The following THEMIS variants were observed in gnomAD, a reference collection of about 807,000 sequenced individuals.
THEMIS encodes the protein thymocyte selection associated.
In THEMIS, 37 loss-of-function variants were observed where a neutral mutation model predicts 52.6. The observed-to-expected ratio is 0.70, with a 90% CI of 0.54 to 0.93. The LOEUF is 0.93. THEMIS is among the 40% of genes least tolerant of loss of function. The probability of loss-of-function intolerance (pLI) is 0.00; values close to 1 mark genes in which losing one functional copy is unlikely to be tolerated. For missense variants in THEMIS, 808 were observed against 763.1 expected, an observed-to-expected ratio of 1.06 and a Z score of -0.69; for synonymous variants, 292 against 272.7, an observed-to-expected ratio of 1.07 and a Z score of -0.70.
chr6:127,844,611 A>G (rs750841521), intron 2 of THEMIS, among the ~76,000 whole-genome samples: 1 of 151,914 alleles, frequency 6.6e-6, no homozygotes, highest in Non-Finnish European at 1.5e-5. Context: ...TATGTTCTTC[A>G]TAAAAATGGT....
At chr6:127,782,319 C>T (rs936496183) in intron 4 of THEMIS, among the ~76,000 whole-genome samples, 12 of 152,126 alleles carry the variant, frequency 7.9e-5, no homozygotes, top group African/African-American at 2.9e-4. Flanking sequence ...TTCTGTCTCA[C>T]TGGCATTCCA....
intron 1 of THEMIS, among the ~76,000 whole-genome samples, chr6:127,869,174 T>C (rs181171162): frequency 2.9e-4 from 44 of 152,314 alleles, no homozygotes; most frequent in Non-Finnish European, 5.6e-4. Context: ...AGTATTGATG[T>C]TCCTCAACTT....
At chr6:127,755,586 A>C (rs1158935993) in intron 4 of THEMIS, among the ~76,000 whole-genome samples, 4 of 152,220 alleles carry the variant, frequency 2.6e-5, no homozygotes, top group African/African-American at 9.6e-5. Flanking sequence ...TTAAAGTAAC[A>C]GTAGAAAAGA....
At chr6:127,712,807 A>G (rs1474738984) in intron 5 of THEMIS, among the ~76,000 whole-genome samples, 1 of 152,002 alleles carries the variant, frequency 6.6e-6, no homozygotes, top group Non-Finnish European at 1.5e-5. Context: ...TACAAAATGA[A>G]GTTATAAGCA....
upstream of THEMIS, among the ~76,000 whole-genome samples, chr6:127,903,382 T>G (rs1781192668): frequency 1.3e-5 from 2 of 151,970 alleles, no homozygotes; most frequent in African/African-American, 2.4e-5. Flanking sequence ...ATGTTATAGG[T>G]GTAATAATAG....
intron 2 of THEMIS, among the ~76,000 whole-genome samples, chr6:127,833,197 G>A (rs538737038): frequency 2.0e-5 from 3 of 152,010 alleles, no homozygotes; most frequent in Non-Finnish European, 4.4e-5. Context: ...AGATTGACCT[G>A]CTAAAAATTA....
At chr6:127,837,087 A>G (rs1304375051) in intron 2 of THEMIS, among the ~76,000 whole-genome samples, 1 of 152,156 alleles carries the variant, frequency 6.6e-6, no homozygotes, top group Non-Finnish European at 1.5e-5. Context: ...TGTTTGATTA[A>G]GAGGAGTTTA....
intron 1 of THEMIS, among the ~76,000 whole-genome samples, chr6:127,890,224 C>T (rs198527): frequency 0.46 from 70,450 of 151,862 alleles, 17,274 homozygotes; most frequent in Non-Finnish European, 0.57. Flanking sequence ...TAGAACCATT[C>T]GAATCACTGG....
intron 4 of THEMIS, among the ~76,000 whole-genome samples, chr6:127,766,182 A>C (rs1776192797): frequency 6.6e-6 from 1 of 152,086 alleles, no homozygotes; most frequent in Admixed American, 6.6e-5. Flanking sequence ...AATCATCATC[A>C]GTCAGGTCCA....
intron 1 of THEMIS, among the ~76,000 whole-genome samples, chr6:127,915,569 A>G (rs1294220437): frequency 7.7e-6 from 1 of 129,852 alleles, no homozygotes; most frequent in Non-Finnish European, 1.6e-5. Context: ...GGGTGGGGAG[A>G]GAGAGGGTCA....
At chr6:127,866,238 T>C (rs149202101) in intron 1 of THEMIS, among the ~76,000 whole-genome samples, 3,003 of 152,186 alleles carry the variant, frequency 0.02, 47 homozygotes, top group Non-Finnish European at 0.029. Flanking sequence ...ATTTAGTTTG[T>C]TCTTAAAATA....
At chr6:127,822,850 G>A (rs1778386566) in intron 3 of THEMIS, among the ~76,000 whole-genome samples, 1 of 152,046 alleles carries the variant, frequency 6.6e-6, no homozygotes, top group African/African-American at 2.4e-5. Flanking sequence ...AATTCCCAGA[G>A]AAAAGGAAAT....
chr6:127,833,430 G>A (rs1019838821), intron 2 of THEMIS, among the ~76,000 whole-genome samples: 5 of 152,056 alleles, frequency 3.3e-5, no homozygotes, highest in Non-Finnish European at 5.9e-5. Context: ...TTACTATAGG[G>A]GGATATGAAA....
At chr6:127,798,595 CAT>C (rs1471889638) in intron 4 of THEMIS, among the ~76,000 whole-genome samples, 3 of 152,134 alleles carry the variant, frequency 2.0e-5, no homozygotes, top group Non-Finnish European at 2.9e-5. Flanking sequence ...TAATAACACT[CAT>C]AGGGATATGG....
chr6:127,900,502 A>G (rs1450339309), intron 1 of THEMIS, among the ~76,000 whole-genome samples: 1 of 152,016 alleles, frequency 6.6e-6, no homozygotes, highest in Non-Finnish European at 1.5e-5. Flanking sequence ...TATTTTTTAT[A>G]TTGTGGAAAC....
intron 1 of THEMIS, among the ~76,000 whole-genome samples, chr6:127,875,352 G>A (rs1271998006): frequency 6.6e-6 from 1 of 152,222 alleles, no homozygotes; most frequent in Non-Finnish European, 1.5e-5. Context: ...ACAGAAGCAT[G>A]TGCATACAAG....
rs140922989 is a variant in THEMIS at position 127,829,712 on chromosome 6, T to C, written c.473A>G (p.His158Arg). The C allele has an allele frequency of 8.4e-5, 135 of 1,614,146 alleles. 1 individual carries two copies. In the South Asian group the frequency reaches 1.3e-3, roughly 16 times the overall value. Residue 158 changes from histidine to arginine, a missense_variant, in exon 3 of 6, where the codon CAT (histidine) becomes CGT (arginine). His to Arg is a conservative substitution (Grantham distance 29). Coordinates refer to ENST00000368248, the MANE Select transcript of THEMIS (RefSeq NM_001010923.3). Reference protein sequence around the residue: ...IMVSCAVARNHQTHSFNLPLS... With the variant: ...IMVSCAVARNRQTHSFNLPLS... ...AGGCAAATTAAATGAGTGAGTTTGA[T>C]GATTCCTTGCTACTGCACAGCTCAC...
At chr6:127,729,959 G>A (rs529031071) in intron 4 of THEMIS, among the ~76,000 whole-genome samples, 1 of 152,228 alleles carries the variant, frequency 6.6e-6, no homozygotes, top group South Asian at 2.1e-4. Context: ...GATCTACCTT[G>A]ATGTCAAATT....
At chr6:127,914,541 G>T (rs1215343883) in intron 1 of THEMIS, among the ~76,000 whole-genome samples, 2 of 152,088 alleles carry the variant, frequency 1.3e-5, no homozygotes, top group Non-Finnish European at 2.9e-5. Flanking sequence ...TTGCTCCTAG[G>T]CTACAAGCCT....
Sources: allele counts gnomAD v4.1 joint callset (sites outside exome capture counted in the v4.1 genomes callset), GRCh38; gene constraint gnomAD v4.1.1; transcripts MANE v1.5; gene names NCBI Gene and HGNC (gene_info 2026-07-23, HGNC 2026-07-21).